The following ASPRV1 variants were observed in gnomAD, a reference collection of about 807,000 sequenced individuals.
ASPRV1 encodes the protein aspartic peptidase retroviral like 1, also known as retroviral-like aspartic protease 1.
A neutral mutation model predicts 11.0 loss-of-function variants in ASPRV1; 7 were observed. The ratio of observed to expected loss-of-function variants is 0.64; its 90% confidence interval spans 0.36 to 1.20. ASPRV1 has a LOEUF of 1.20. ASPRV1 is among the 50% of genes most tolerant of loss of function. The pLI is 0.02. For synonymous variants in ASPRV1, 136 were observed against 138.4 expected, an observed-to-expected ratio of 0.98 and a Z score of 0.12; for missense variants, 299 against 320.0, an observed-to-expected ratio of 0.93 and a Z score of 0.50.
the ASPRV1 span, among the ~76,000 whole-genome samples, chr2:70,002,661 T>C: frequency 6.6e-6 from 1 of 152,370 alleles, no homozygotes; most frequent in Non-Finnish European, 1.5e-5. Flanking sequence ...CATCCTGTAA[T>C]TAATGAGCCC....
At chr2:70,037,090 C>T in the ASPRV1 span, among the ~76,000 whole-genome samples, 19,296 of 152,182 alleles carry the variant, frequency 0.13, 1,781 homozygotes, top group South Asian at 0.25. Flanking sequence ...AAATGGAAAT[C>T]TCCAGCCTAT....
the ASPRV1 span, among the ~76,000 whole-genome samples, chr2:69,970,195 C>T: frequency 1.9e-4 from 29 of 152,240 alleles, no homozygotes; most frequent in Non-Finnish European, 4.1e-4. Context: ...TGCCTCCATG[C>T]CTCTTCACAC....
chr2:70,073,979 A>T, the ASPRV1 span, among the ~76,000 whole-genome samples: 1 of 151,314 alleles, frequency 6.6e-6, no homozygotes. Flanking sequence ...TAAAAATACA[A>T]AAAAATTAGC....
chr2:70,040,859 T>TA, the ASPRV1 span, among the ~76,000 whole-genome samples: 20 of 152,084 alleles, frequency 1.3e-4, no homozygotes, highest in African/African-American at 3.4e-4. Flanking sequence ...TAAACTAAAC[T>TA]AACGTGGCAA....
the ASPRV1 span, among the ~76,000 whole-genome samples, chr2:70,077,933 G>A: frequency 1.1e-4 from 16 of 151,984 alleles, no homozygotes; most frequent in South Asian, 2.7e-3. Flanking sequence ...TCTGGGAGGC[G>A]GAGGTGGGGT....
upstream of ASPRV1, chr2:69,962,071 G>C (rs1678140625): frequency 5.1e-6 from 1 of 197,726 alleles, no homozygotes; most frequent in Admixed American, 5.5e-5. Context: ...CCACATGCCA[G>C]GCACTGGGAA....
At chr2:70,022,748 G>A in the ASPRV1 span, among the ~76,000 whole-genome samples, 1 of 152,082 alleles carries the variant, frequency 6.6e-6, no homozygotes, top group Non-Finnish European at 1.5e-5. Flanking sequence ...CATTTTGGTT[G>A]TGGAGATGGT....
At chr2:70,075,376 T>G in the ASPRV1 span, 32 of 143,782 alleles carry the variant, frequency 2.2e-4, no homozygotes, top group African/African-American at 4.8e-4. Flanking sequence ...AAAGCAAGCA[T>G]GAACTCAGGA....
chr2:70,067,408 T>C, the ASPRV1 span, among the ~76,000 whole-genome samples: 55 of 152,270 alleles, frequency 3.6e-4, no homozygotes, highest in African/African-American at 1.3e-3. Flanking sequence ...GGCTGGAGAT[T>C]TGGGAATCAT....
the ASPRV1 span, among the ~76,000 whole-genome samples, chr2:70,055,129 C>G: frequency 6.6e-6 from 1 of 152,082 alleles, no homozygotes; most frequent in East Asian, 1.9e-4. Context: ...GTGGTGAAAC[C>G]CTGTCTCTAT....
At chr2:69,985,101 C>G in the ASPRV1 span, among the ~76,000 whole-genome samples, 1 of 152,164 alleles carries the variant, frequency 6.6e-6, no homozygotes, top group African/African-American at 2.4e-5. Flanking sequence ...TGTGATCTGC[C>G]CACCTCGGCC....
chr2:70,059,134 G>A, the ASPRV1 span, among the ~76,000 whole-genome samples: 13 of 149,358 alleles, frequency 8.7e-5, no homozygotes, highest in African/African-American at 2.2e-4. Context: ...CTCGTGATCC[G>A]CCCACCTCAG....
At chr2:70,078,463 T>C in the ASPRV1 span, among the ~76,000 whole-genome samples, 1 of 152,182 alleles carries the variant, frequency 6.6e-6, no homozygotes, top group Non-Finnish European at 1.5e-5. Context: ...GGCAGAGAGA[T>C]AGCTTTTATT....
the ASPRV1 span, among the ~76,000 whole-genome samples, chr2:69,984,610 C>CTTTT: frequency 4.2e-3 from 276 of 65,354 alleles, 28 homozygotes; most frequent in African/African-American, 0.013. Flanking sequence ...TCAGGTCCAG[C>CTTTT]TTTTTTTTTT....
the ASPRV1 span, among the ~76,000 whole-genome samples, chr2:70,038,135 AAACC>A: frequency 3.9e-5 from 6 of 152,364 alleles, no homozygotes; most frequent in African/African-American, 1.4e-4. Flanking sequence ...CTTCAATGTA[AAACC>A]ATTATGCAGA....
the ASPRV1 span, chr2:70,050,469 C>T: frequency 6.6e-6 from 1 of 151,886 alleles, no homozygotes; most frequent in Non-Finnish European, 1.5e-5. Context: ...TTTTTCTAAA[C>T]ATTGGTCTAG....
chr2:69,953,116 T>C, the ASPRV1 span, among the ~76,000 whole-genome samples: 4,539 of 152,340 alleles, frequency 0.03, 193 homozygotes, highest in Admixed American at 0.11. Context: ...GCCAGGACTT[T>C]CATTTTACTG....
At chr2:69,996,746 A>G in the ASPRV1 span, 10 of 456,510 alleles carry the variant, frequency 2.2e-5, no homozygotes, top group South Asian at 4.6e-5. Context: ...GAAACCATCT[A>G]CCTGAGGCTG....
At chr2:70,059,999 C>T in the ASPRV1 span, 23,248 of 152,098 alleles carry the variant, frequency 0.15, 2,757 homozygotes, top group East Asian at 0.3. Context: ...AAAAGACAGA[C>T]GCTACCATCT....
Sources: allele counts gnomAD v4.1 joint callset (sites outside exome capture counted in the v4.1 genomes callset), GRCh38; gene constraint gnomAD v4.1.1; transcripts MANE v1.5; gene names NCBI Gene and HGNC (gene_info 2026-07-23, HGNC 2026-07-21).